The following MAGEL2 variants were observed in gnomAD, a reference collection of about 807,000 sequenced individuals.
MAGEL2 encodes MAGE family member L2.
For synonymous variants in MAGEL2, 792 were observed against 721.7 expected, an observed-to-expected ratio of 1.10 and a Z score of -1.56; for missense variants, 1,830 against 1,699.2, an observed-to-expected ratio of 1.08 and a Z score of -1.35.
In MAGEL2 at chr15:23,645,292, C is replaced by T. The variant is rs1385829854; in HGVS notation, c.2451G>A (p.Leu817=). 6.2e-7 allele frequency: 1 copy of T among 1,613,992 alleles called. No individual in the cohort carries two copies. Among genetic ancestry groups the T allele is most frequent in the South Asian group, 1.1e-5 (1 of 91,086 alleles). ...PSAASETPKS[L]PYALQDPFAC... ...CAAAGGGATCCTGCAGAGCATATGG[C>T]AGTGACTTTGGGGTCTCTGAGGCAG... Residue 817 remains leucine, a synonymous_variant, in exon 1 of 1, where the codon CTG becomes CTA. Coordinates refer to ENST00000650528, the MANE Select transcript of MAGEL2 (RefSeq NM_019066.5).
At position 23,647,060 on chromosome 15, in the gene MAGEL2, G is replaced by C. The variant is rs1426335280; in HGVS notation, c.683C>G (p.Pro228Arg). 6.5e-7 allele frequency: 1 copy of C among 1,536,068 alleles called. No individual in the cohort carries two copies. ...PMAHPPPPGTPMAQPPAPGVL... is the reference protein window; with the variant it reads ...PMAHPPPPGTRMAQPPAPGVL... ...TCCCGGAGCTGGAGGCTGGGCCATC[G>C]GTGTACCCGGAGGGGGAGGATGAGC... is the stretch of plus-strand genomic sequence containing the variant. Residue 228 changes from proline (P) to arginine (R), a missense_variant, in exon 1 of 1, where the codon CCG becomes CGG. By Grantham distance (103) the Pro-to-Arg change is moderately radical (BLOSUM62 -2). Transcript: ENST00000650528.
Position 23,644,475 on chromosome 15 carries a change from T to C in MAGEL2, c.3268A>G (p.Ile1090Val), listed in dbSNP as rs956831146. The change falls in exon 1 of 1, where the codon ATC becomes GTC. Residue 1090 changes from isoleucine to valine, a missense_variant. Physicochemically the swap from Ile to Val is conservative, Grantham distance 29. Coordinates refer to ENST00000650528, the MANE Select transcript of MAGEL2 (RefSeq NM_019066.5). Reference protein sequence around the residue: ...IDTKNHAYIIINKLGYHTGNL... With the variant: ...IDTKNHAYIIVNKLGYHTGNL... ...CCTGTATGGTAGCCCAGCTTGTTGA[T>C]GATAATATAGGCGTGGTTTTTGGTA... 1.2e-6 allele frequency: 2 copies of C among 1,613,970 alleles called. No individual in the cohort carries two copies. Among genetic ancestry groups the C allele is most frequent in the Non-Finnish European group, 8.5e-7 (1 of 1,179,892 alleles).
rs1367257009 is a variant in MAGEL2 at position 23,644,690 on chromosome 15, G to A, written c.3053C>T (p.Ser1018Phe). The stretch of plus-strand genomic sequence containing the variant: ...CGCATTTGCCCTCTCATCCAAGGGA[G>A]ACAAGGGCTGTGCCTCCACCTTGGA... ...DNSKVEAQPL[S>F]PLDERANALV... Residue 1018 changes from serine to phenylalanine, a missense_variant, in exon 1 of 1, where the codon TCT becomes TTT. By Grantham distance (155) the Ser-to-Phe change is radical. Coordinates refer to ENST00000650528, the MANE Select transcript of MAGEL2 (RefSeq NM_019066.5). 6.2e-7 allele frequency: 1 copy of A among 1,613,882 alleles called. No individual in the cohort carries two copies. The highest frequency in any genetic ancestry group is 8.5e-7 in the Non-Finnish European group (1 of 1,179,884).
In MAGEL2 at chr15:23,646,592, G is replaced by C; in HGVS notation, c.1151C>G (p.Ala384Gly). Residue 384 changes from alanine to glycine, a missense_variant, in exon 1 of 1, where the codon GCC (alanine) becomes GGC (glycine). By Grantham distance (60) the Ala-to-Gly change is moderately conservative (BLOSUM62 0). Coordinates refer to ENST00000650528, the MANE Select transcript of MAGEL2 (RefSeq NM_019066.5). This position sits in a 1 kb window ranked among gnomAD's most constrained non-coding sequence, Gnocchi z 4.2. The stretch of plus-strand genomic sequence containing the variant: ...CGTGGTCTGCCAAGTCAGGGGAGTG[G>C]CCTGCCAGCCTTGCTGCGTGGCCTG... ...GWQATQQGWQ[A>G]TPLTWQTTQV... is the part of the protein sequence containing the mutation. 1 of 1,470,904 alleles carries C rather than the reference G, an allele frequency of 6.8e-7. No homozygotes were observed. The highest frequency in any genetic ancestry group is 9.0e-7 in the Non-Finnish European group (1 of 1,115,928). The allele number at this position is 1,470,904 out of a possible 1,614,324, so 91.1% of individuals were successfully genotyped here. A position where few individuals can be genotyped will look rare whatever the true frequency, so the allele number is the denominator to read the frequency against.
In MAGEL2 at chr15:23,647,020, C is replaced by A. The variant is rs949544103; in HGVS notation, c.723G>T (p.Gln241His). The change falls in exon 1 of 1, where the codon CAG becomes CAT. Residue 241 changes from glutamine to histidine, a missense_variant. Coordinates refer to ENST00000650528, the MANE Select transcript of MAGEL2 (RefSeq NM_019066.5). Reference protein sequence around the residue: ...QPPAPGVLMAQPLTPGVLMVQ... With the variant: ...QPPAPGVLMAHPLTPGVLMVQ... Reference sequence around the variant, plus strand: ...CCATCAGGACTCCCGGAGTCAGAGGCTGGGCCATCAGGACTCCCGGAGCTG... The same window carrying A: ...CCATCAGGACTCCCGGAGTCAGAGGATGGGCCATCAGGACTCCCGGAGCTG... The A allele has an allele frequency of 3.3e-6, 5 of 1,536,826 alleles. No individual in the cohort carries two copies. The Admixed American group carries it at 9.8e-5, about 30-fold the overall frequency.
chr15:23,647,098 C>T lies in MAGEL2; in HGVS notation c.645G>A (p.Pro215=). 1 of 1,532,552 alleles carries T rather than the reference C, an allele frequency of 6.5e-7. No individual in the cohort carries two copies. Among genetic ancestry groups the T allele is most frequent in the Non-Finnish European group, 8.7e-7 (1 of 1,144,894 alleles). The allele number at this position is 1,532,552 out of a possible 1,614,324, so 94.9% of individuals were successfully genotyped here. A position where few individuals can be genotyped will look rare whatever the true frequency, so the allele number is the denominator to read the frequency against. The change falls in exon 1 of 1, where the codon CCG becomes CCA. Residue 215 remains proline (P), a synonymous_variant. Transcript: ENST00000650528. ...PGTPMAHPPP[P]GTPMAHPPPP... is the part of the protein sequence containing the mutation. ...GGGGAGGATGAGCCATCGGTGTCCC[C>T]GGAGGTGGAGGATGAGCCATCGGTG...
In MAGEL2 at chr15:23,647,578, C is replaced by T. The variant is rs1415171131; in HGVS notation, c.165G>A (p.Leu55=). 6.5e-7 allele frequency: 1 copy of T among 1,536,150 alleles called. No homozygotes were observed. The change falls in exon 1 of 1, where the codon TTG becomes TTA. Residue 55 remains leucine, a synonymous_variant. Transcript: ENST00000650528. The part of the protein sequence containing the change: ...DPPPIDLQAS[L]AAWQAPQPAW... ...CAGGCTGAGGTGCCTGCCAAGCGGC[C>T]AATGAAGCCTGCAAGTCAATTGGAG...
At position 23,645,213 on chromosome 15, in the gene MAGEL2, C is replaced by T; in HGVS notation, c.2530G>A (p.Ala844Thr). The change falls in exon 1 of 1, where the codon GCC (alanine) becomes ACC (threonine). Residue 844 changes from alanine (A) to threonine (T), a missense_variant. By Grantham distance (58) the Ala-to-Thr change is moderately conservative (BLOSUM62 0). Coordinates refer to ENST00000650528, the MANE Select transcript of MAGEL2 (RefSeq NM_019066.5). ...GGCACTGCCTGCGATGCCTTTGAGGCATTCATATTGGGCTGTGGGACCCAT... is the reference window on the plus strand; with the variant it reads ...GGCACTGCCTGCGATGCCTTTGAGGTATTCATATTGGGCTGTGGGACCCAT... ...VPWVPQPNMN[A>T]SKASQAVPTF... 1 of 1,613,896 alleles carries T rather than the reference C, an allele frequency of 6.2e-7. No homozygotes were observed. Among genetic ancestry groups the T allele is most frequent in the Non-Finnish European group, 8.5e-7 (1 of 1,179,892 alleles).
Position 23,646,639 on chromosome 15 carries a change from C to A in MAGEL2, c.1104G>T (p.Trp368Cys). The A allele has an allele frequency of 1.4e-6, 2 of 1,479,396 alleles. No individual in the cohort carries two copies. The highest frequency in any genetic ancestry group is 1.8e-6 in the Non-Finnish European group (2 of 1,119,208). 91.6% of individuals were successfully genotyped at this position (1,479,396 alleles called of 1,614,324 possible). The change falls in exon 1 of 1, where the codon TGG becomes TGT. Residue 368 changes from tryptophan to cysteine, a missense_variant. Transcript: ENST00000650528. This position sits in a 1 kb window ranked among gnomAD's most constrained non-coding sequence, Gnocchi z 4.2. ...CCTGCCATCCTGGCGAGGTCGCCTG[C>A]CAGCCCGGGGGTGTGGCTAGCTGCG... ...PPAQLATPPG[W>C]QATSPGWQAT... is the part of the protein sequence containing the mutation.
chr15:23,645,117 C>A lies in MAGEL2; in HGVS notation c.2626G>T (p.Val876Phe). 6.2e-7 allele frequency: 1 copy of A among 1,613,764 alleles called. No homozygotes were observed. The highest frequency in any genetic ancestry group is 8.5e-7 in the Non-Finnish European group (1 of 1,179,908). ...ATTQEASKTS[V>F]EPPRRSGKAT... Reference sequence around the variant, plus strand: ...TTGCCGGAGCGGCGTGGCGGCTCGACGGAGGTCTTGGAGGCCTCTTGAGTG... The same window carrying A: ...TTGCCGGAGCGGCGTGGCGGCTCGAAGGAGGTCTTGGAGGCCTCTTGAGTG... The change falls in exon 1 of 1, where the codon GTC (valine) becomes TTC (phenylalanine). Residue 876 changes from valine (V) to phenylalanine (F), a missense_variant. Transcript: ENST00000650528.
chr15:23,647,697 C>T lies in MAGEL2; in HGVS notation c.46G>A (p.Glu16Lys), dbSNP rs1225113166. Residue 16 changes from glutamate (E) to lysine (K), a missense_variant, in exon 1 of 1, where the codon GAG (glutamate) becomes AAG (lysine). Coordinates refer to ENST00000650528, the MANE Select transcript of MAGEL2 (RefSeq NM_019066.5). ...KNLGDSSPPA[E>K]APKPPVYSRP... ...CTATAGACAGGCGGCTTCGGGGCCTCCGCCGGAGGACTCGAGTCACCCAGA... is the reference window on the plus strand; with the variant it reads ...CTATAGACAGGCGGCTTCGGGGCCTTCGCCGGAGGACTCGAGTCACCCAGA... The T allele has an allele frequency of 2.0e-6, 3 of 1,490,876 alleles. No individual in the cohort carries two copies. The highest frequency in any genetic ancestry group is 1.4e-5 in the African/African-American group (1 of 70,752). 92.4% of individuals were successfully genotyped at this position (1,490,876 alleles called of 1,614,324 possible).
Position 23,647,841 on chromosome 15 carries a change from C to T in MAGEL2, c.-99G>A, listed in dbSNP as rs1890455941. ...GCCTACGTGGCTGTTCAGAGGCTCC[C>T]TCCCTGCTGAATGCTGAATAGGAAG... On this transcript the variant is annotated 5_prime_UTR_variant, in exon 1 of 1. Coordinates refer to ENST00000650528, the MANE Select transcript of MAGEL2 (RefSeq NM_019066.5). 1 of 1,247,364 alleles carries T rather than the reference C, an allele frequency of 8.0e-7. No individual in the cohort carries two copies. Among genetic ancestry groups the T allele is most frequent in the Non-Finnish European group, 1.1e-6 (1 of 940,436 alleles). 77.3% of individuals were successfully genotyped at this position (1,247,364 alleles called of 1,614,324 possible). A position where few individuals can be genotyped will look rare whatever the true frequency, so the allele number is the denominator to read the frequency against.
rs372951342 is a variant in MAGEL2 at position 23,645,497 on chromosome 15, C to A, written c.2246G>T (p.Arg749Leu). ...ACAGAAGGTGGCAGCAAAGATCATG[C>A]GGTCTTTTGAAGGGGCCCTGCGCTC... Reference protein sequence around the residue: ...SKERRAPSKDRMIFAATFCAP... With the variant: ...SKERRAPSKDLMIFAATFCAP... Residue 749 changes from arginine (R) to leucine (L), a missense_variant, in exon 1 of 1, where the codon CGC becomes CTC. Transcript: ENST00000650528. The A allele has an allele frequency of 3.1e-6, 5 of 1,613,838 alleles. No individual in the cohort carries two copies. The highest frequency in any genetic ancestry group is 2.2e-5 in the South Asian group (2 of 91,088).
In MAGEL2 at chr15:23,647,778, G is replaced by A; in HGVS notation, c.-36C>T. The A allele has an allele frequency of 1.4e-6, 2 of 1,433,844 alleles. No homozygotes were observed. The highest frequency in any genetic ancestry group is 5.1e-5 in the East Asian group (2 of 39,520). The allele number at this position is 1,433,844 out of a possible 1,614,324, so 88.8% of individuals were successfully genotyped here. On this transcript the variant is annotated 5_prime_UTR_variant, in exon 1 of 1. Transcript: ENST00000650528. ...TGACAGCTGGTGGGTCTTTTCCTCGGACAGCTGCTGGGCCTTTTCCTCCAG... is the reference window on the plus strand; with the variant it reads ...TGACAGCTGGTGGGTCTTTTCCTCGAACAGCTGCTGGGCCTTTTCCTCCAG...
In MAGEL2 at chr15:23,645,777, G is replaced by C; in HGVS notation, c.1966C>G (p.Gln656Glu). 6.3e-7 allele frequency: 1 copy of C among 1,584,246 alleles called. No individual in the cohort carries two copies. Among genetic ancestry groups the C allele is most frequent in the East Asian group, 2.3e-5 (1 of 44,130 alleles). Residue 656 changes from glutamine to glutamate, a missense_variant, in exon 1 of 1, where the codon CAA becomes GAA. Gln to Glu is a conservative substitution (Grantham distance 29, BLOSUM62 2). Coordinates refer to ENST00000650528, the MANE Select transcript of MAGEL2 (RefSeq NM_019066.5). ...EQPFQGAPPS[Q>E]KAVQIQLPPQ... ...GGTAGCTGGATTTGCACGGCTTTTTGGGAGGGCGGGGCTCCCTGAAAGGGC... is the reference window on the plus strand; with the variant it reads ...GGTAGCTGGATTTGCACGGCTTTTTCGGAGGGCGGGGCTCCCTGAAAGGGC...
Position 23,643,995 on chromosome 15 carries a change from A to C in MAGEL2, c.3748T>G (p.Ter1250GluextTer1). 1 of 1,589,840 alleles carries C rather than the reference A, an allele frequency of 6.3e-7. No individual in the cohort carries two copies. The change falls in exon 1 of 1, where the codon TAA becomes GAA. Residue 1250 changes from the stop codon to glutamate (E), a stop_lost. Transcript: ENST00000650528. The part of the protein sequence containing the change: ...HGPTSRPPPR[*>E] ...GAGCGAGATCTCTGCTACACCTATTAGCGGGGAGGGGGCCTGCTGGTGGGG... is the reference window on the plus strand; with the variant it reads ...GAGCGAGATCTCTGCTACACCTATTCGCGGGGAGGGGGCCTGCTGGTGGGG...
chr15:23,644,729 G>C lies in MAGEL2; in HGVS notation c.3014C>G (p.Ala1005Gly). 6.2e-7 allele frequency: 1 copy of C among 1,613,832 alleles called. No homozygotes were observed. Among genetic ancestry groups the C allele is most frequent in the Non-Finnish European group, 8.5e-7 (1 of 1,179,878 alleles). The change falls in exon 1 of 1, where the codon GCC becomes GGC. Residue 1005 changes from alanine (A) to glycine (G), a missense_variant. Transcript: ENST00000650528. Reference protein sequence around the residue: ...EVASVSPGSSATQDNSKVEAQ... With the variant: ...EVASVSPGSSGTQDNSKVEAQ... ...CTCCACCTTGGAATTATCCTGGGTG[G>C]CACTGGATCCCGGAGAGACACTTGC... is the stretch of plus-strand genomic sequence containing the variant.
At position 23,643,935 on chromosome 15, in the gene MAGEL2, C is replaced by T. The variant is rs771940768; in HGVS notation, c.*58G>A. The T allele has an allele frequency of 1.1e-4, 169 of 1,480,570 alleles. No individual in the cohort carries two copies. Among genetic ancestry groups the T allele is most frequent in the Non-Finnish European group, 1.3e-4 (145 of 1,115,708 alleles). 91.7% of individuals were successfully genotyped at this position (1,480,570 alleles called of 1,614,324 possible). A position where few individuals can be genotyped will look rare whatever the true frequency, so the allele number is the denominator to read the frequency against. ...AACACCAGGAACAAAAATGTCCCCC[C>T]ACCCTGTCAGTGGCCTCTGGCCAGG... On this transcript the variant is annotated 3_prime_UTR_variant, in exon 1 of 1. Transcript: ENST00000650528.
In MAGEL2 at chr15:23,646,538, G is replaced by C; in HGVS notation, c.1205C>G (p.Thr402Ser). The change falls in exon 1 of 1, where the codon ACC becomes AGC. Residue 402 changes from threonine to serine, a missense_variant. Thr to Ser is a moderately conservative substitution (Grantham distance 58). Transcript: ENST00000650528. This position sits in a 1 kb window ranked among gnomAD's most constrained non-coding sequence, Gnocchi z 4.2. ...TQVTWQAPAVTWQVPPPMRQG... is the reference protein window; with the variant it reads ...TQVTWQAPAVSWQVPPPMRQG... ...GCGCATGGGCGGCGGCACCTGCCAG[G>C]TAACGGCTGGTGCCTGCCAGGTGAC... is the stretch of plus-strand genomic sequence containing the variant. 1 of 1,473,514 alleles carries C rather than the reference G, an allele frequency of 6.8e-7. No individual in the cohort carries two copies. The highest frequency in any genetic ancestry group is 1.4e-5 in the South Asian group (1 of 72,582). The allele number at this position is 1,473,514 out of a possible 1,614,324, so 91.3% of individuals were successfully genotyped here. A position where few individuals can be genotyped will look rare whatever the true frequency, so the allele number is the denominator to read the frequency against.
Sources: allele counts gnomAD v4.1 joint callset, GRCh38; gene constraint gnomAD v4.1.1; non-coding constraint Gnocchi (gnomAD v3.1); transcripts MANE v1.5; gene names NCBI Gene and HGNC (gene_info 2026-07-23, HGNC 2026-07-21).